SHE: variants seen among roughly 807,000 people sequenced by gnomAD.
SHE encodes SH2 domain-containing adapter protein E.
In SHE, 11 loss-of-function variants were observed where a neutral mutation model predicts 49.8. The observed-to-expected ratio is 0.22, with a 90% CI of 0.14 to 0.37. SHE has a LOEUF of 0.37. SHE is among the 10% of genes least tolerant of loss of function. The pLI is 1.00. For synonymous variants in SHE, 310 were observed against 278.1 expected (o/e 1.11, Z -1.14); for missense variants, 624 against 655.5 (o/e 0.95, Z 0.52).
intron 4 of SHE, 46 bp downstream of exon 4, chr1:154,486,481 A>G: frequency 6.2e-7 from 1 of 1,602,808 alleles, no homozygotes; most frequent in Non-Finnish European, 8.5e-7. Context: ...CAAAGCTGTA[A>G]GCTCCCAGCT....
At chr1:154,472,341 A>G (rs1691766271) in intron 1 of SHE, among the ~76,000 whole-genome samples, 1 of 152,206 alleles carries the variant, frequency 6.6e-6, no homozygotes, top group African/African-American at 2.4e-5. Flanking sequence ...CAGAACATAA[A>G]TGCACCTCAG....
At chr1:154,499,585 G>A (rs986364341) in intron 1 of SHE, among the ~76,000 whole-genome samples, 5 of 152,122 alleles carry the variant, frequency 3.3e-5, no homozygotes, top group African/African-American at 9.7e-5. Flanking sequence ...TAAAGGGTAT[G>A]TGGCTTTACC....
At position 154,481,037 on chromosome 1, in the gene SHE, G is replaced by C. The variant is rs142946149; in HGVS notation, c.*3112C>G. The C allele has an allele frequency of 6.1e-6, 6 of 985,292 alleles. No homozygotes were observed. The African/African-American group carries it at 1.0e-4, about 17-fold the overall frequency. 61.0% of individuals were successfully genotyped at this position (985,292 alleles called of 1,614,324 possible). On this transcript the variant is annotated 3_prime_UTR_variant, in exon 6 of 6. Coordinates refer to ENST00000304760, the MANE Select transcript of SHE (RefSeq NM_001010846.3). ...AATATCCTGGGAGATGGAATAACTC[G>C]AAGGAATGAGGACTACAGGAAAATA...
chr1:154,484,418 C>A, intron 5 of SHE, 83 bp from the exon 6 acceptor site: 1 of 1,200,676 alleles, frequency 8.3e-7, no homozygotes. Flanking sequence ...CAGATTCACA[C>A]TAGGTTGATA....
intron 5 of SHE, chr1:154,484,548 C>T (rs982255442): frequency 5.7e-5 from 26 of 459,664 alleles, no homozygotes; most frequent in Non-Finnish European, 5.8e-5. Flanking sequence ...ATCCTTATCA[C>T]ATATGAGTCA....
In SHE at chr1:154,490,920, G is replaced by A. The variant is rs570171380; in HGVS notation, c.719-1564C>T. 2.2e-4 allele frequency among the ~76,000 whole-genome samples: 34 copies of A among 151,808 alleles called. 1 individual carries two copies. The South Asian group carries it at 6.5e-3, about 29-fold the overall frequency. Reference sequence around the variant, plus strand: ...TCTGAAATGGGGCATAAAAATAGATGGAAAAAACCATATGCAAACCAACCA... The same window carrying A: ...TCTGAAATGGGGCATAAAAATAGATAGAAAAAACCATATGCAAACCAACCA... On this transcript the variant is annotated intron_variant, in intron 2 of 5. Coordinates refer to ENST00000304760, the MANE Select transcript of SHE (RefSeq NM_001010846.3).
Position 154,484,262 on chromosome 1 carries a change from C to A in SHE, c.1375G>T (p.Ala459Ser). Residue 459 changes from alanine to serine, a missense_variant, in exon 6 of 6, where the codon GCT becomes TCT. Ala to Ser is a moderately conservative substitution (Grantham distance 99). Transcript: ENST00000304760. The stretch of plus-strand genomic sequence containing the variant: ...ACTTCAGGGATGCTGTCAAACACAG[C>A]GCTTGTCTGATTCAGTGTGTATTTG... The part of the protein sequence containing the change: ...DNKYTLNQTS[A>S]VFDSIPEVVH... 6.2e-7 allele frequency: 1 copy of A among 1,614,156 alleles called. No homozygotes were observed. The highest frequency in any genetic ancestry group is 8.5e-7 in the Non-Finnish European group (1 of 1,180,034).
downstream of SHE, among the ~76,000 whole-genome samples, chr1:154,475,772 C>A (rs183879181): frequency 6.6e-6 from 1 of 151,984 alleles, no homozygotes; most frequent in Non-Finnish European, 1.5e-5. Flanking sequence ...CAGGGTGGTT[C>A]ATTGTATTCA....
At chr1:154,501,187 A>G (rs973417474) in intron 1 of SHE, among the ~76,000 whole-genome samples, 2 of 152,360 alleles carry the variant, frequency 1.3e-5, no homozygotes. Context: ...CGACTCTTCT[A>G]AACTGCTAAC....
chr1:154,501,788 T>C lies in SHE; in HGVS notation c.239A>G (p.Lys80Arg). 4 of 1,560,728 alleles carry C rather than the reference T, an allele frequency of 2.6e-6. No individual in the cohort carries two copies. Among genetic ancestry groups the C allele is most frequent in the Non-Finnish European group, 2.6e-6 (3 of 1,160,380 alleles). ...CTCGGCCGCCGAGTTCTTGCGGCCC[T>C]TGCCAGGACCCGGCCCAGCGCCGCC... ...EAGGAGPGPG[K>R]GRKNSAAELG... The change falls in exon 1 of 6, where the codon AAG (lysine) becomes AGG (arginine). Residue 80 changes from lysine (K) to arginine (R), a missense_variant. By Grantham distance (26) the Lys-to-Arg change is conservative. Transcript: ENST00000304760.
chr1:154,497,787 T>C (rs1293994189), intron 2 of SHE, among the ~76,000 whole-genome samples: 1 of 151,998 alleles, frequency 6.6e-6, no homozygotes. Flanking sequence ...TTCAAGTGAT[T>C]CTCCTGCCTC....
chr1:154,472,248 C>A (rs936048658), intron 1 of SHE, among the ~76,000 whole-genome samples: 46 of 152,094 alleles, frequency 3.0e-4, no homozygotes, highest in African/African-American at 1.1e-3. Flanking sequence ...GAGTCTGTTA[C>A]CAGAGATAGA....
At chr1:154,476,674 GA>G (rs547219246), downstream of SHE, among the ~76,000 whole-genome samples, 101 of 139,376 alleles carry the variant, frequency 7.2e-4, no homozygotes, top group Non-Finnish European at 7.8e-4. Context: ...TACCGTCTCA[GA>G]AAAAAAAAAA....
downstream of SHE, among the ~76,000 whole-genome samples, chr1:154,474,586 C>T (rs773167458): frequency 9.2e-5 from 14 of 152,140 alleles, no homozygotes; most frequent in Admixed American, 2.0e-4. Context: ...TGGCTCACCA[C>T]AACTGCCTCC....
rs1370203867 is a variant in SHE at position 154,481,433 on chromosome 1, AG to A, written c.*2715del. On this transcript the variant is annotated 3_prime_UTR_variant, in exon 6 of 6. Transcript: ENST00000304760. The stretch of plus-strand genomic sequence containing the variant: ...AAGAATATAGTATGACTTGTCACAG[AG>A]AAACAGTATAGAAGAAGCATAATAC... The A allele has an allele frequency of 6.1e-6, 6 of 985,338 alleles. No individual in the cohort carries two copies. Among genetic ancestry groups the A allele is most frequent in the Non-Finnish European group, 7.2e-6 (6 of 829,944 alleles). The allele number at this position is 985,338 out of a possible 1,614,324, so 61.0% of individuals were successfully genotyped here. A position where few individuals can be genotyped will look rare whatever the true frequency, so the allele number is the denominator to read the frequency against.
chr1:154,496,752 GA>G (rs67052410), intron 2 of SHE, among the ~76,000 whole-genome samples: 75,875 of 147,650 alleles, frequency 0.51, 22,182 homozygotes, highest in East Asian at 0.76. Context: ...GGAATTACAT[GA>G]AAAAAAAAAC....
chr1:154,501,381 GCGCCCAGGGCTC>G, intron 1 of SHE, 43 bp downstream of exon 1: 12 of 1,549,678 alleles, frequency 7.7e-6, no homozygotes, highest in Non-Finnish European at 1.1e-5. Flanking sequence ...GGCTTAGCAG[GCGCCCAGGGCTC>G]CCCTTCGACT....
intron 2 of SHE, among the ~76,000 whole-genome samples, chr1:154,494,756 A>G (rs1449986950): frequency 1.3e-5 from 2 of 152,212 alleles, no homozygotes; most frequent in Admixed American, 6.5e-5. Context: ...TCAACTGTAT[A>G]AAGAAACCCG....
chr1:154,480,028 A>G lies in SHE; in HGVS notation c.*4121T>C, dbSNP rs192715989. 8.4e-4 allele frequency: 827 copies of G among 985,458 alleles called. No homozygotes were observed. The highest frequency in any genetic ancestry group is 7.0e-4 in the Non-Finnish European group (578 of 829,932). 61.0% of individuals were successfully genotyped at this position (985,458 alleles called of 1,614,324 possible). A position where few individuals can be genotyped will look rare whatever the true frequency, so the allele number is the denominator to read the frequency against. On this transcript the variant is annotated 3_prime_UTR_variant, in exon 6 of 6. Transcript: ENST00000304760. ...TCCCATTAGATGGCAGTAACGCACC[A>G]TCTCTCTTCACACAGGGTCAGCGGT... is the stretch of plus-strand genomic sequence containing the variant.
Sources: gnomAD v4.1 joint callset for allele counts (sites outside exome capture counted in the v4.1 genomes callset) on GRCh38, gnomAD v4.1.1 for gene constraint, MANE v1.5 for transcripts, NCBI Gene and HGNC (gene_info 2026-07-23, HGNC 2026-07-21) for gene names.